The following CMSS1 variants were observed in gnomAD, a reference collection of about 807,000 sequenced individuals.
CMSS1 encodes the protein protein CMSS1.
Under a neutral mutation model 43.5 loss-of-function variants are expected in CMSS1, and 33 were observed. The ratio of observed to expected loss-of-function variants is 0.76; its 90% CI spans 0.57 to 1.01. The LOEUF is 1.01. Among genes scored for constraint, CMSS1 ranks in the 50% least tolerant of loss-of-function variants. CMSS1 has a pLI of 0.00. For synonymous variants in CMSS1, 115 were observed against 117.2 expected, an observed-to-expected ratio of 0.98 and a Z score of 0.12; for missense variants, 313 against 326.4, an observed-to-expected ratio of 0.96 and a Z score of 0.32.
chr3:100,127,807 C>G (rs112502191), intron 1 of CMSS1, among the ~76,000 whole-genome samples: 20 of 152,292 alleles, frequency 1.3e-4, no homozygotes, highest in African/African-American at 4.6e-4. Context: ...GTTGTGCTTT[C>G]AGGTGAAGGG....
chr3:100,160,529 A>G (rs367604200), intron 3 of CMSS1, 28 bp downstream of exon 3: 34 of 1,058,666 alleles, frequency 3.2e-5, no homozygotes, highest in Non-Finnish European at 4.7e-5. Context: ...TTAAATTTGT[A>G]TGGCCCCACA....
At chr3:99,833,818 G>C (rs1041563218) in intron 1 of CMSS1, among the ~76,000 whole-genome samples, 5 of 152,200 alleles carry the variant, frequency 3.3e-5, no homozygotes. Context: ...TGGATTCAGG[G>C]CTGCTCACTC....
At chr3:99,972,123 A>T (rs1303193781) in intron 1 of CMSS1, among the ~76,000 whole-genome samples, 1 of 152,262 alleles carries the variant, frequency 6.6e-6, no homozygotes, top group Non-Finnish European at 1.5e-5. Context: ...GTGATATTGC[A>T]GACATATAAA....
chr3:99,955,712 C>G (rs550539526), intron 1 of CMSS1, among the ~76,000 whole-genome samples: 2 of 152,164 alleles, frequency 1.3e-5, no homozygotes, highest in African/African-American at 2.4e-5. Context: ...TCCTTCAGTG[C>G]CAATGTATTT....
rs12637077 is a variant in CMSS1, at chr3:100,026,403, G to A, written c.65-120570G>A. Among the ~76,000 whole-genome samples, 94 of 152,084 alleles carry A rather than the reference G, an allele frequency of 6.2e-4. No individual in the cohort carries two copies. In the East Asian group the frequency reaches 0.017, roughly 27 times the overall value. ...CAGACATAAAACAAGGAGCAAGGTC[G>A]ATAGTGAACCAAAGGGCCAGTGTCT... On this transcript the variant is annotated intron_variant, in intron 1 of 9. Transcript: ENST00000421999.
chr3:99,848,549 G>T, intron 1 of CMSS1: 1 of 1,614,174 alleles, frequency 6.2e-7, no homozygotes, highest in Non-Finnish European at 8.5e-7. Context: ...CGCTGAAACT[G>T]CCATGATGAC....
chr3:100,102,427 C>A (rs2066325822), intron 1 of CMSS1, among the ~76,000 whole-genome samples: 1 of 152,082 alleles, frequency 6.6e-6, no homozygotes, highest in South Asian at 2.1e-4. Context: ...GTGAAAGTAG[C>A]CTAAGATGTG....
At chr3:99,959,372 A>G (rs1417889098) in intron 1 of CMSS1, among the ~76,000 whole-genome samples, 1 of 151,986 alleles carries the variant, frequency 6.6e-6, no homozygotes, top group Non-Finnish European at 1.5e-5. Flanking sequence ...CTGGTCTCGA[A>G]CTCCTGTCCT....
At chr3:100,065,093 G>T (rs1016750787) in intron 1 of CMSS1, among the ~76,000 whole-genome samples, 4 of 152,140 alleles carry the variant, frequency 2.6e-5, no homozygotes, top group African/African-American at 9.7e-5. Flanking sequence ...CCAAATGCCT[G>T]AATTATAAGA....
chr3:100,034,510 G>T (rs531165304), intron 1 of CMSS1, among the ~76,000 whole-genome samples: 9 of 152,252 alleles, frequency 5.9e-5, no homozygotes, highest in African/African-American at 1.9e-4. Flanking sequence ...TAATCCAAAA[G>T]GTTCTTTGTG....
chr3:100,167,774 G>T lies in CMSS1; in HGVS notation c.452G>T (p.Ser151Ile). Residue 151 changes from serine (S) to isoleucine (I), a missense_variant, in exon 6 of 10, where the codon AGT (serine) becomes ATT (isoleucine). By Grantham distance (142) the Ser-to-Ile change is moderately radical. Coordinates refer to ENST00000421999, the MANE Select transcript of CMSS1 (RefSeq NM_032359.4). ...PKWVKLRKNH[S>I]EKKSVLMLII... ...TGGGTAAAACTTAGGAAGAACCACAGTGAGAAGAAATCGGTCCTGATGCTG... is the reference window on the plus strand; with the variant it reads ...TGGGTAAAACTTAGGAAGAACCACATTGAGAAGAAATCGGTCCTGATGCTG... 1 of 1,613,470 alleles carries T rather than the reference G, an allele frequency of 6.2e-7. No homozygotes were observed. Among genetic ancestry groups the T allele is most frequent in the East Asian group, 2.2e-5 (1 of 44,854 alleles).
intron 1 of CMSS1, among the ~76,000 whole-genome samples, chr3:99,938,314 T>C (rs1707754893): frequency 1.3e-5 from 2 of 152,204 alleles, no homozygotes; most frequent in Non-Finnish European, 2.9e-5. Flanking sequence ...CATCATTAGT[T>C]CTGTTTTTAA....
intron 1 of CMSS1, among the ~76,000 whole-genome samples, chr3:100,057,252 C>G (rs993708444): frequency 1.3e-5 from 2 of 152,180 alleles, no homozygotes; most frequent in Non-Finnish European, 2.9e-5. Context: ...TGACTATTCT[C>G]CAAGAGTCTA....
rs150573668 is a variant in CMSS1, at chr3:100,027,666, A to C, written c.65-119307A>C. ...CAAGGTATTGCTGTTTAGAATATGG[A>C]AAATGTTGTGTGAATTATTTCAGCC... On this transcript the variant is annotated intron_variant, in intron 1 of 9. Transcript: ENST00000421999. Among the ~76,000 whole-genome samples, 23 of 152,282 alleles carry C rather than the reference A, an allele frequency of 1.5e-4. No individual in the cohort carries two copies. In the East Asian group the frequency reaches 4.4e-3, roughly 29 times the overall value.
intron 1 of CMSS1, among the ~76,000 whole-genome samples, chr3:100,087,982 C>G (rs1263750502): frequency 1.3e-5 from 2 of 152,052 alleles, no homozygotes; most frequent in Admixed American, 6.6e-5. Flanking sequence ...AGGTGCCCAC[C>G]ACCATGCCTG....
At chr3:99,900,760 G>A (rs540974203) in intron 1 of CMSS1, among the ~76,000 whole-genome samples, 1 of 152,330 alleles carries the variant, frequency 6.6e-6, no homozygotes, top group South Asian at 2.1e-4. Context: ...CCTGGTGTGA[G>A]CTTTTAGCAC....
At position 100,176,096 on chromosome 3, in the gene CMSS1, A is replaced by G. The variant is rs549932600; in HGVS notation, c.668-231A>G. The G allele has an allele frequency of 3.1e-5, 12 of 389,524 alleles. No individual in the cohort carries two copies. In the South Asian group the frequency reaches 5.2e-4, roughly 17 times the overall value. 24.1% of individuals were successfully genotyped at this position (389,524 alleles called of 1,614,324 possible). A position where few individuals can be genotyped will look rare whatever the true frequency, so the allele number is the denominator to read the frequency against. On this transcript the variant is annotated intron_variant, in intron 8 of 9. Coordinates refer to ENST00000421999, the MANE Select transcript of CMSS1 (RefSeq NM_032359.4). Reference sequence around the variant, plus strand: ...GTGAGCATTTGAGGAGCTTAGCAAGAGCAGTTTCTCTGCTTTCCTCAGGAG... The same window carrying G: ...GTGAGCATTTGAGGAGCTTAGCAAGGGCAGTTTCTCTGCTTTCCTCAGGAG...
chr3:100,062,053 G>T (rs2065576096), intron 1 of CMSS1, among the ~76,000 whole-genome samples: 1 of 136,410 alleles, frequency 7.3e-6, no homozygotes, highest in African/African-American at 2.8e-5. Flanking sequence ...GTAATACTTA[G>T]AGATCTGGAA....
chr3:99,822,664 G>A (rs868785085), intron 1 of CMSS1, among the ~76,000 whole-genome samples: 1 of 152,108 alleles, frequency 6.6e-6, no homozygotes, highest in Non-Finnish European at 1.5e-5. Flanking sequence ...CCCAGGAGGC[G>A]GGGGTTGCAG....
Sources: gnomAD v4.1 joint callset for allele counts (sites outside exome capture counted in the v4.1 genomes callset) on GRCh38, gnomAD v4.1.1 for gene constraint, MANE v1.5 for transcripts, NCBI Gene and HGNC (gene_info 2026-07-23, HGNC 2026-07-21) for gene names.